Variants in RNF212B observed in about 807,000 individuals in gnomAD.
RNF212B encodes ring finger protein 212B.
Under a neutral mutation model 55.5 loss-of-function variants are expected in RNF212B, and 52 were observed. The observed-to-expected ratio is 0.94, with a 90% CI of 0.75 to 1.18. RNF212B has a LOEUF of 1.18. Ranked by LOEUF, RNF212B falls within the 50% of genes most tolerant of loss-of-function variation. The probability of loss-of-function intolerance (pLI) is 0.00; values close to 1 mark genes in which losing one functional copy is unlikely to be tolerated. For missense variants in RNF212B, 289 were observed against 350.4 expected, an observed-to-expected ratio of 0.82 and a Z score of 1.40; for synonymous variants, 99 against 121.4, an observed-to-expected ratio of 0.82 and a Z score of 1.21.
chr14:23,206,299 T>A (rs1879827545), intron 2 of RNF212B, among the ~76,000 whole-genome samples: 1 of 152,232 alleles, frequency 6.6e-6, no homozygotes, highest in Non-Finnish European at 1.5e-5. Flanking sequence ...GGTCTTGAAC[T>A]CCTGACCTCT....
intron 4 of RNF212B, among the ~76,000 whole-genome samples, chr14:23,250,218 G>A (rs562462663): frequency 5.3e-5 from 8 of 152,120 alleles, no homozygotes; most frequent in East Asian, 1.9e-4. Context: ...GGTGGCTCAC[G>A]CCTCTAATCC....
intron 9 of RNF212B, 41 bp downstream of exon 9, chr14:23,263,011 G>GGAAGATAGAA (rs1160132853): frequency 5.3e-6 from 8 of 1,518,438 alleles, no homozygotes; most frequent in Non-Finnish European, 7.2e-6. Flanking sequence ...GGCAAAAGTT[G>GGAAGATAGAA]GAAGATAGAA....
intron 9 of RNF212B, 143 bp downstream of exon 9, chr14:23,263,113 A>G: frequency 1.4e-6 from 1 of 703,032 alleles, no homozygotes. Context: ...CCCTAAGCCA[A>G]ACTGTATCCA....
intron 14 of RNF212B, 58 bp downstream of exon 14, chr14:23,270,719 A>C: frequency 8.8e-7 from 1 of 1,137,432 alleles, no homozygotes; most frequent in Non-Finnish European, 1.3e-6. Context: ...TTAGGCCTGC[A>C]CACTAAATGC....
At chr14:23,198,503 C>T (rs1055521285) in intron 2 of RNF212B, among the ~76,000 whole-genome samples, 8 of 151,948 alleles carry the variant, frequency 5.3e-5, no homozygotes, top group African/African-American at 1.9e-4. Flanking sequence ...GTGAAACCCC[C>T]GTCTCTACTA....
chr14:23,245,287 G>A (rs1009089971), intron 4 of RNF212B, among the ~76,000 whole-genome samples: 2 of 152,042 alleles, frequency 1.3e-5, no homozygotes, highest in Non-Finnish European at 2.9e-5. Context: ...CTTGCTGCTT[G>A]CTGTCTTTAG....
At chr14:23,234,181 A>C (rs951172636), upstream of RNF212B, among the ~76,000 whole-genome samples, 2 of 151,988 alleles carry the variant, frequency 1.3e-5, no homozygotes, top group African/African-American at 4.8e-5. Flanking sequence ...AACTGTTCAA[A>C]TTTCTATTAA....
intron 2 of RNF212B, among the ~76,000 whole-genome samples, chr14:23,205,353 A>G (rs973518291): frequency 2.0e-5 from 3 of 151,030 alleles, no homozygotes; most frequent in Admixed American, 2.0e-4. Flanking sequence ...CCTACAATAT[A>G]TATTTATTGG....
chr14:23,193,644 C>G (rs1566386097), intron 2 of RNF212B, among the ~76,000 whole-genome samples: 1 of 151,304 alleles, frequency 6.6e-6, no homozygotes, highest in Non-Finnish European at 1.5e-5. Context: ...GAAAAGCAAG[C>G]AAATGAAAAC....
chr14:23,195,655 C>T (rs750323292), intron 2 of RNF212B, among the ~76,000 whole-genome samples: 2 of 152,154 alleles, frequency 1.3e-5, no homozygotes, highest in Admixed American at 6.5e-5. Context: ...TGTGCTCTCC[C>T]GACAGCACAT....
intron 2 of RNF212B, among the ~76,000 whole-genome samples, chr14:23,215,773 G>T (rs1278435658): frequency 2.0e-5 from 3 of 152,088 alleles, no homozygotes; most frequent in African/African-American, 7.2e-5. Flanking sequence ...AAGACACATG[G>T]AACACAATTA....
chr14:23,232,533 C>T (rs577226500), intron 2 of RNF212B, among the ~76,000 whole-genome samples: 1 of 152,086 alleles, frequency 6.6e-6, no homozygotes, highest in East Asian at 1.9e-4. Flanking sequence ...CCAGCAGCCA[C>T]CCCTCTGGGA....
At chr14:23,238,593 C>T (rs779634566) in intron 1 of RNF212B, among the ~76,000 whole-genome samples, 1 of 151,578 alleles carries the variant, frequency 6.6e-6, no homozygotes, top group African/African-American at 2.4e-5. Flanking sequence ...TAAAAAATAG[C>T]CAGGCGTGGT....
chr14:23,223,287 T>A (rs989714491), intron 2 of RNF212B, among the ~76,000 whole-genome samples: 2 of 151,802 alleles, frequency 1.3e-5, no homozygotes, highest in Admixed American at 6.6e-5. Flanking sequence ...GAATGATACC[T>A]CAATATAATA....
intron 1 of RNF212B, among the ~76,000 whole-genome samples, chr14:23,191,380 C>A (rs1472967458): frequency 6.6e-6 from 1 of 150,792 alleles, no homozygotes; most frequent in African/African-American, 2.4e-5. Flanking sequence ...CAAGAAAGTC[C>A]ACCTCCATCC....
chr14:23,213,611 T>C (rs1880772276), intron 2 of RNF212B, among the ~76,000 whole-genome samples: 1 of 152,062 alleles, frequency 6.6e-6, no homozygotes, highest in Non-Finnish European at 1.5e-5. Flanking sequence ...TGGGAGTCAG[T>C]GCTCAGCTTT....
At chr14:23,264,486 T>A in intron 10 of RNF212B, 137 bp from the exon 11 acceptor site, 1 of 715,302 alleles carries the variant, frequency 1.4e-6, no homozygotes, top group South Asian at 2.4e-5. Flanking sequence ...GAGTAAAGTA[T>A]GGATCTTTCT....
chr14:23,244,430 TC>T, intron 4 of RNF212B, 34 bp downstream of exon 4: 1 of 1,209,496 alleles, frequency 8.3e-7, no homozygotes, highest in Non-Finnish European at 1.2e-6. Context: ...AATCTGACTC[TC>T]CAGGCAAATT....
At chr14:23,260,859 C>T (rs563338244) in intron 7 of RNF212B, among the ~76,000 whole-genome samples, 172 bp downstream of exon 7, 1 of 152,354 alleles carries the variant, frequency 6.6e-6, no homozygotes, top group East Asian at 1.9e-4. Flanking sequence ...AATTGTAATG[C>T]TCACCCTGGA....
Sources: allele counts gnomAD v4.1 joint callset (sites outside exome capture counted in the v4.1 genomes callset), GRCh38; gene constraint gnomAD v4.1.1; transcripts MANE v1.5; gene names NCBI Gene and HGNC (gene_info 2026-07-23, HGNC 2026-07-21).